Variants in NAV3 observed in about 807,000 individuals in gnomAD.
The protein encoded by NAV3 is neuron navigator 3.
In NAV3, 87 loss-of-function variants were observed where a neutral mutation model predicts 244.7. The ratio of observed to expected loss-of-function variants is 0.36; its 90% confidence interval spans 0.30 to 0.42. The LOEUF is 0.42. NAV3 is among the 20% of genes least tolerant of loss of function. The pLI, the probability that NAV3 is intolerant of heterozygous loss-of-function variation, is 1.00. For synonymous variants in NAV3, 1,126 were observed against 1,042.2 expected, an observed-to-expected ratio of 1.08 and a Z score of -1.55; for missense variants, 2,663 against 2,893.3, an observed-to-expected ratio of 0.92 and a Z score of 1.83.
intron 2 of NAV3, among the ~76,000 whole-genome samples, chr12:77,706,402 G>C (rs1364811445): frequency 6.6e-6 from 1 of 151,236 alleles, no homozygotes. Context: ...TCAAATTAGG[G>C]ATCCATTCAA....
intron 2 of NAV3, among the ~76,000 whole-genome samples, chr12:77,638,964 G>A (rs937650596): frequency 3.0e-4 from 46 of 152,078 alleles, no homozygotes; most frequent in African/African-American, 8.0e-4. Flanking sequence ...ACTCTATTCC[G>A]CAGAGCATGG....
At chr12:77,796,843 A>AG (rs1372194341) in intron 2 of NAV3, among the ~76,000 whole-genome samples, 2 of 128,534 alleles carry the variant, frequency 1.6e-5, no homozygotes, top group South Asian at 2.4e-4. Flanking sequence ...TTTTTAATTA[A>AG]GGTTTTTTTT....
rs1952795446 is a variant in NAV3 at position 78,072,000 on chromosome 12, A to G, written c.2636+12885A>G. ...CTTTGAAACCAAGGAGAACAAAGAC[A>G]CAACATACCAGAATCTCTGGGACGC... On this transcript the variant is annotated intron_variant, in intron 12 of 39. Coordinates refer to ENST00000397909, the MANE Select transcript of NAV3 (RefSeq NM_001024383.2). 2.6e-5 allele frequency among the ~76,000 whole-genome samples: 4 copies of G among 152,344 alleles called. No individual in the cohort carries two copies. In the South Asian group the frequency reaches 8.3e-4, roughly 32 times the overall value.
intron 8 of NAV3, among the ~76,000 whole-genome samples, chr12:78,019,433 G>T (rs1439387186): frequency 6.6e-6 from 1 of 152,142 alleles, no homozygotes; most frequent in African/African-American, 2.4e-5. Context: ...ATAGCGTCTA[G>T]TCTGGGAGTT....
At chr12:77,723,360 G>GT (rs11346345) in intron 2 of NAV3, among the ~76,000 whole-genome samples, 17 of 150,380 alleles carry the variant, frequency 1.1e-4, no homozygotes, top group African/African-American at 3.4e-4. Flanking sequence ...TTATTGAAAA[G>GT]TTTTTTTTTT....
intron 5 of NAV3, among the ~76,000 whole-genome samples, chr12:77,979,525 T>C (rs1869142198): frequency 6.6e-6 from 1 of 151,826 alleles, no homozygotes; most frequent in Non-Finnish European, 1.5e-5. Flanking sequence ...GGAATTAGAT[T>C]TAGGGGATTT....
intron 2 of NAV3, among the ~76,000 whole-genome samples, chr12:77,806,341 G>T (rs1408924752): frequency 6.6e-6 from 1 of 152,132 alleles, no homozygotes; most frequent in African/African-American, 2.4e-5. Context: ...CTTTAGCTAT[G>T]TCCCAGAGAT....
intron 28 of NAV3, 38 bp downstream of exon 28, chr12:78,177,723 C>T (rs1450561843): frequency 1.9e-6 from 3 of 1,568,510 alleles, no homozygotes; most frequent in Non-Finnish European, 8.7e-7. Context: ...TGCAAAGATC[C>T]AGGTTCTAAC....
At chr12:77,953,916 C>T (rs1891127052) in intron 3 of NAV3, among the ~76,000 whole-genome samples, 1 of 152,126 alleles carries the variant, frequency 6.6e-6, no homozygotes, top group African/African-American at 2.4e-5. Context: ...TGGCTTAAAA[C>T]AATAGAAATT....
At chr12:78,051,580 A>G (rs1432846451) in intron 11 of NAV3, among the ~76,000 whole-genome samples, 1 of 151,958 alleles carries the variant, frequency 6.6e-6, no homozygotes, top group East Asian at 1.9e-4. Flanking sequence ...ATGCATCCCC[A>G]ATTTAACTTG....
chr12:78,188,463 T>C, intron 32 of NAV3, 120 bp downstream of exon 32: 2 of 1,169,668 alleles, frequency 1.7e-6, no homozygotes, highest in South Asian at 3.0e-5. Context: ...GAAAGCTTTC[T>C]GTTTGTGCTA....
Position 78,102,222 on chromosome 12 carries a change from A to G in NAV3, c.2637-14550A>G, listed in dbSNP as rs141181108. Among the ~76,000 whole-genome samples the G allele has an allele frequency of 5.6e-3, 854 of 152,284 alleles. 7 individuals are homozygous for G. The highest frequency in any genetic ancestry group is 0.02 in the African/African-American group (827 of 41,562). On this transcript the variant is annotated intron_variant, in intron 12 of 39. Coordinates refer to ENST00000397909, the MANE Select transcript of NAV3 (RefSeq NM_001024383.2). ...ACAATGGGAGTACTGGTATTGGGTA[A>G]ACACAGCTGTTTCAAATGGGAGAAA...
At chr12:78,067,003 C>T (rs948084567) in intron 12 of NAV3, among the ~76,000 whole-genome samples, 1 of 152,084 alleles carries the variant, frequency 6.6e-6, no homozygotes, top group African/African-American at 2.4e-5. Context: ...CTCATGAAAT[C>T]ATGGGGGCAT....
intron 2 of NAV3, among the ~76,000 whole-genome samples, chr12:77,595,522 G>T (rs1203504339): frequency 2.0e-5 from 3 of 152,084 alleles, no homozygotes; most frequent in African/African-American, 7.2e-5. Flanking sequence ...CAAGAGAGTA[G>T]ATTTCAGTTC....
At chr12:78,034,789 T>C (rs1187425985) in intron 9 of NAV3, among the ~76,000 whole-genome samples, 1 of 152,172 alleles carries the variant, frequency 6.6e-6, no homozygotes, top group Non-Finnish European at 1.5e-5. Flanking sequence ...ATTTTCTACT[T>C]AGGAATTCTA....
intron 1 of NAV3, among the ~76,000 whole-genome samples, chr12:77,846,357 T>G (rs1004674384): frequency 1.3e-5 from 2 of 152,204 alleles, no homozygotes; most frequent in African/African-American, 4.8e-5. Flanking sequence ...GTGAGGATAA[T>G]ATATGCAGGA....
At chr12:77,995,237 A>G (rs558115505) in intron 6 of NAV3, among the ~76,000 whole-genome samples, 1 of 152,288 alleles carries the variant, frequency 6.6e-6, no homozygotes, top group South Asian at 2.1e-4. Context: ...GCATGCATTA[A>G]TTATTGCACA....
At chr12:78,141,766 G>GA (rs535158030) in intron 20 of NAV3, among the ~76,000 whole-genome samples, 1 of 152,088 alleles carries the variant, frequency 6.6e-6, no homozygotes, top group South Asian at 2.1e-4. Context: ...AAACACACAT[G>GA]AAAAAAACAC....
intron 12 of NAV3, among the ~76,000 whole-genome samples, chr12:78,094,996 G>A (rs955151192): frequency 4.0e-5 from 6 of 150,708 alleles, no homozygotes; most frequent in African/African-American, 7.3e-5. Context: ...GCAGTGAGCC[G>A]AGATCATGCC....
Sources: allele counts gnomAD v4.1 joint callset (sites outside exome capture counted in the v4.1 genomes callset), GRCh38; gene constraint gnomAD v4.1.1; transcripts MANE v1.5; gene names NCBI Gene and HGNC (gene_info 2026-07-23, HGNC 2026-07-21).